Variants in RABGAP1L observed in about 807,000 individuals in gnomAD.
The protein encoded by RABGAP1L is rab GTPase-activating protein 1-like.
Under a neutral mutation model 137.7 loss-of-function variants are expected in RABGAP1L, and 63 were observed. The ratio of observed to expected loss-of-function variants is 0.46; its 90% CI spans 0.37 to 0.56. The LOEUF is 0.56. Ranked by LOEUF, RABGAP1L falls within the 20% of genes least tolerant of loss-of-function variation. RABGAP1L has a pLI of 0.00. For synonymous variants in RABGAP1L, 431 were observed against 433.7 expected, an observed-to-expected ratio of 0.99 and a Z score of 0.08; for missense variants, 1,095 against 1,244.0, an observed-to-expected ratio of 0.88 and a Z score of 1.80.
At chr1:174,503,208 ATTTACATATTG>A (rs1661488092) in intron 13 of RABGAP1L, among the ~76,000 whole-genome samples, 2 of 152,216 alleles carry the variant, frequency 1.3e-5, no homozygotes, top group East Asian at 3.8e-4. Context: ...ACTCCTGTTT[ATTTACATATTG>A]TCTACAGCTG....
chr1:174,667,197 T>C (rs1056076516), intron 14 of RABGAP1L, among the ~76,000 whole-genome samples: 1 of 152,128 alleles, frequency 6.6e-6, no homozygotes, highest in East Asian at 1.9e-4. Context: ...TGAAAAGGAT[T>C]AAGCCTCCCT....
At chr1:174,830,622 A>T (rs1206924533) in intron 19 of RABGAP1L, among the ~76,000 whole-genome samples, 1 of 146,950 alleles carries the variant, frequency 6.8e-6, no homozygotes, top group Non-Finnish European at 1.5e-5. Context: ...GACTACAGGC[A>T]TGTGCCACCA....
chr1:174,839,028 C>CGTGTGTGTGTGTGT (rs71726767), intron 19 of RABGAP1L, among the ~76,000 whole-genome samples: 3,648 of 130,024 alleles, frequency 0.028, 67 homozygotes, highest in African/African-American at 0.04. Context: ...AACTTTTTTA[C>CGTGTGTGTGTGTGT]GTGTGTGTGT....
chr1:174,383,815 C>G (rs989192573), intron 12 of RABGAP1L, among the ~76,000 whole-genome samples: 74 of 151,550 alleles, frequency 4.9e-4, no homozygotes, highest in African/African-American at 1.7e-3. Flanking sequence ...GGCTCCTCCT[C>G]GCAACTGCAA....
chr1:174,242,830 A>G (rs1393459776), intron 5 of RABGAP1L, among the ~76,000 whole-genome samples: 2 of 152,186 alleles, frequency 1.3e-5, no homozygotes, highest in Non-Finnish European at 2.9e-5. Flanking sequence ...TTCTTGTTCA[A>G]AATGGTCTGA....
chr1:174,871,774 G>A (rs186875515), intron 19 of RABGAP1L, among the ~76,000 whole-genome samples: 11 of 152,228 alleles, frequency 7.2e-5, no homozygotes, highest in South Asian at 2.1e-4. Context: ...TTAATGTATC[G>A]TTATTTGTAA....
intron 13 of RABGAP1L, among the ~76,000 whole-genome samples, chr1:174,616,106 G>C (rs753680220): frequency 5.9e-5 from 9 of 152,196 alleles, no homozygotes; most frequent in Non-Finnish European, 1.2e-4. Flanking sequence ...CCACTGTCTG[G>C]CACTCCCTAG....
chr1:174,510,400 A>G (rs1015243316), intron 13 of RABGAP1L, among the ~76,000 whole-genome samples: 5 of 152,238 alleles, frequency 3.3e-5, no homozygotes, highest in African/African-American at 9.6e-5. Context: ...TGAATAGGTA[A>G]GTAAATGGAT....
At chr1:174,349,872 C>T (rs1031695060) in intron 11 of RABGAP1L, among the ~76,000 whole-genome samples, 2 of 143,658 alleles carry the variant, frequency 1.4e-5, no homozygotes, top group Non-Finnish European at 3.1e-5. Flanking sequence ...GACCCCCCCA[C>T]CTCCCTCCTG....
At chr1:174,575,830 G>A (rs1231354655) in intron 13 of RABGAP1L, among the ~76,000 whole-genome samples, 1 of 152,142 alleles carries the variant, frequency 6.6e-6, no homozygotes, top group East Asian at 1.9e-4. Context: ...GGTCCAGGAG[G>A]GTCACCGCCT....
chr1:174,854,172 A>C (rs1039551860), intron 19 of RABGAP1L, among the ~76,000 whole-genome samples: 8 of 152,236 alleles, frequency 5.3e-5, no homozygotes, highest in Non-Finnish European at 1.5e-5. Context: ...AATAGGTGGT[A>C]TAATAAGCTT....
chr1:174,314,414 G>A (rs115571541), intron 11 of RABGAP1L, among the ~76,000 whole-genome samples: 3,582 of 151,960 alleles, frequency 0.024, 138 homozygotes, highest in African/African-American at 0.082. Flanking sequence ...TTCTTAGTCT[G>A]GCTAAAGGTT....
chr1:174,294,450 T>G (rs1676916123), intron 10 of RABGAP1L, among the ~76,000 whole-genome samples: 1 of 152,190 alleles, frequency 6.6e-6, no homozygotes, highest in Admixed American at 6.5e-5. Flanking sequence ...AATCAGATAT[T>G]GATGGAGCAT....
chr1:174,643,652 G>T (rs146642443), intron 14 of RABGAP1L, among the ~76,000 whole-genome samples: 3 of 151,912 alleles, frequency 2.0e-5, no homozygotes, highest in Non-Finnish European at 4.4e-5. Flanking sequence ...TTTGCATGTC[G>T]TTATTTGATC....
At chr1:174,357,378 C>G (rs756000901) in intron 11 of RABGAP1L, among the ~76,000 whole-genome samples, 1 of 152,040 alleles carries the variant, frequency 6.6e-6, no homozygotes, top group East Asian at 1.9e-4. Context: ...TCACCCTAAG[C>G]GTGTGAACAT....
chr1:174,231,083 A>C, intron 3 of RABGAP1L, 62 bp from the exon 4 acceptor site: 1 of 1,269,940 alleles, frequency 7.9e-7, no homozygotes. Flanking sequence ...GGCATTGGCA[A>C]GATTATAATG....
chr1:174,939,602 T>C (rs1039447782), intron 19 of RABGAP1L, among the ~76,000 whole-genome samples: 1 of 151,758 alleles, frequency 6.6e-6, no homozygotes, highest in African/African-American at 2.4e-5. Flanking sequence ...AATGCTCCAA[T>C]TGCATAGTAT....
At chr1:174,609,784 G>A (rs1671055484) in intron 13 of RABGAP1L, among the ~76,000 whole-genome samples, 1 of 152,116 alleles carries the variant, frequency 6.6e-6, no homozygotes, top group South Asian at 2.1e-4. Flanking sequence ...TAATAAGAGT[G>A]ATTTTAAAAT....
intron 13 of RABGAP1L, among the ~76,000 whole-genome samples, chr1:174,601,679 T>C (rs1023991051): frequency 4.0e-5 from 6 of 151,692 alleles, no homozygotes; most frequent in African/African-American, 1.5e-4. Flanking sequence ...GAAAAATGGG[T>C]TTTTCTTTTC....
Sources: allele counts gnomAD v4.1 joint callset (sites outside exome capture counted in the v4.1 genomes callset), GRCh38; gene constraint gnomAD v4.1.1; transcripts MANE v1.5; gene names NCBI Gene and HGNC (gene_info 2026-07-23, HGNC 2026-07-21).